PBLD: variants seen among roughly 807,000 people sequenced by gnomAD.
The protein encoded by PBLD is phenazine biosynthesis-like domain-containing protein.
Under a neutral mutation model 31.3 loss-of-function variants are expected in PBLD, and 26 were observed. The observed-to-expected ratio is 0.83, with a 90% CI of 0.61 to 1.15. The LOEUF (loss-of-function observed/expected upper bound fraction) is 1.15. Ranked by LOEUF, PBLD falls within the 50% of genes most tolerant of loss-of-function variation. PBLD has a pLI of 0.00. For synonymous variants in PBLD, 114 were observed against 129.0 expected (o/e 0.88, Z 0.79); for missense variants, 307 against 351.7 (o/e 0.87, Z 1.02).
At chr10:68,312,776 A>G (rs1372932821) in intron 1 of PBLD, among the ~76,000 whole-genome samples, 1 of 151,322 alleles carries the variant, frequency 6.6e-6, no homozygotes, top group African/African-American at 2.4e-5. Context: ...TGGCCTGGCT[A>G]ATTTTTTTGT....
At chr10:68,314,786 A>T (rs559905597) in intron 1 of PBLD, among the ~76,000 whole-genome samples, 15 of 151,424 alleles carry the variant, frequency 9.9e-5, no homozygotes, top group South Asian at 4.2e-4. Context: ...TTTTTAATTT[A>T]ATTTTATTTA....
chr10:68,301,490 G>A (rs2044505630), intron 2 of PBLD, among the ~76,000 whole-genome samples: 2 of 152,154 alleles, frequency 1.3e-5, no homozygotes, highest in South Asian at 4.2e-4. Context: ...GAAACTGGGA[G>A]GTATTTAAGC....
At chr10:68,294,863 G>A (rs2044404185) in intron 4 of PBLD, among the ~76,000 whole-genome samples, 1 of 152,172 alleles carries the variant, frequency 6.6e-6, no homozygotes, top group Non-Finnish European at 1.5e-5. Context: ...GAGTAGCTGG[G>A]ACTACCGGCG....
chr10:68,295,714 G>A (rs2044417323), intron 4 of PBLD, among the ~76,000 whole-genome samples: 1 of 152,088 alleles, frequency 6.6e-6, no homozygotes, highest in Non-Finnish European at 1.5e-5. Context: ...CACTTTGGGA[G>A]GCCGATGCAG....
intron 2 of PBLD, among the ~76,000 whole-genome samples, chr10:68,304,737 A>C (rs536254817): frequency 6.6e-6 from 1 of 152,350 alleles, no homozygotes; most frequent in South Asian, 2.1e-4. Flanking sequence ...AAAACTCTTC[A>C]AGGATATTAC....
At chr10:68,332,555 T>TA (rs1027318471) in intron 1 of PBLD, among the ~76,000 whole-genome samples, 18 of 152,186 alleles carry the variant, frequency 1.2e-4, no homozygotes, top group African/African-American at 4.1e-4. Flanking sequence ...CCCGCTCTTT[T>TA]TACTTTTTTG....
At chr10:68,328,233 CA>C (rs1292858617) in intron 1 of PBLD, among the ~76,000 whole-genome samples, 68 of 152,296 alleles carry the variant, frequency 4.5e-4, no homozygotes, top group African/African-American at 1.5e-3. Flanking sequence ...GATTTTGTTA[CA>C]TTTTTTAGAT....
chr10:68,320,264 T>A (rs780811121), intron 1 of PBLD, among the ~76,000 whole-genome samples: 15 of 152,188 alleles, frequency 9.9e-5, no homozygotes, highest in African/African-American at 3.6e-4. Flanking sequence ...CAAAAGTTGT[T>A]AGTAGAAACA....
intron 9 of PBLD, among the ~76,000 whole-genome samples, chr10:68,284,929 A>G (rs1217826383): frequency 6.6e-6 from 1 of 152,142 alleles, no homozygotes; most frequent in African/African-American, 2.4e-5. Context: ...GGCTGCCATC[A>G]TTTTTCTCTG....
intron 2 of PBLD, among the ~76,000 whole-genome samples, chr10:68,302,732 T>G (rs571301252): frequency 6.6e-6 from 1 of 151,992 alleles, no homozygotes; most frequent in South Asian, 2.1e-4. Flanking sequence ...TCTCAGCTAC[T>G]CTGGAGGTTG....
At chr10:68,290,211 T>C (rs2044341142) in intron 6 of PBLD, among the ~76,000 whole-genome samples, 1 of 152,120 alleles carries the variant, frequency 6.6e-6, no homozygotes, top group African/African-American at 2.4e-5. Context: ...GGCTTCAGGT[T>C]CTCTAATCCT....
Position 68,306,911 on chromosome 10 carries a change from GA to G in PBLD, c.-59-9del. 7.9e-7 allele frequency: 1 copy of G among 1,265,392 alleles called. No homozygotes were observed. The highest frequency in any genetic ancestry group is 1.9e-5 in the Admixed American group (1 of 53,146). The allele number at this position is 1,265,392 out of a possible 1,614,324, so 78.4% of individuals were successfully genotyped here. A position where few individuals can be genotyped will look rare whatever the true frequency, so the allele number is the denominator to read the frequency against. ...TAGCCTGCTTTACGTCTTCTTCTTGGAAAAGGAAATCAAAAAGTTAATGTTT... is the reference window on the plus strand; with the variant it reads ...TAGCCTGCTTTACGTCTTCTTCTTGGAAAGGAAATCAAAAAGTTAATGTTT... On this transcript the variant is annotated splice_polypyrimidine_tract_variant and intron_variant, in intron 1 of 9. Transcript: ENST00000358769.
chr10:68,327,997 T>C (rs1049158927), intron 1 of PBLD, among the ~76,000 whole-genome samples: 2 of 152,202 alleles, frequency 1.3e-5, no homozygotes, highest in Non-Finnish European at 2.9e-5. Flanking sequence ...GGTTGCCAGA[T>C]TCACAAAGAA....
chr10:68,285,554 G>T, intron 8 of PBLD, 144 bp from the exon 9 acceptor site: 1 of 1,152,258 alleles, frequency 8.7e-7, no homozygotes, highest in South Asian at 2.5e-5. Flanking sequence ...GCCACAGCAG[G>T]GTGTAGAATT....
intron 1 of PBLD, among the ~76,000 whole-genome samples, chr10:68,309,423 A>G (rs1233574211): frequency 2.0e-5 from 3 of 148,950 alleles, no homozygotes; most frequent in Non-Finnish European, 4.4e-5. Context: ...AAAAAAAAAA[A>G]AAAGAACCCA....
intron 1 of PBLD, among the ~76,000 whole-genome samples, chr10:68,320,150 A>G (rs1056348663): frequency 2.6e-5 from 4 of 152,166 alleles, no homozygotes; most frequent in Admixed American, 1.3e-4. Context: ...TCAAAGACAC[A>G]AATAGGTGAA....
chr10:68,322,202 GA>G (rs2044845206), intron 1 of PBLD, among the ~76,000 whole-genome samples: 1 of 151,926 alleles, frequency 6.6e-6, no homozygotes. Flanking sequence ...AAAAACATCA[GA>G]AAAAAACCCA....
rs1317529550 is a variant in PBLD, at chr10:68,316,467, G to A, written c.-59-9564C>T. Among the ~76,000 whole-genome samples, 18 of 152,048 alleles carry A rather than the reference G, an allele frequency of 1.2e-4. No individual in the cohort carries two copies. The East Asian group carries it at 3.3e-3, about 28-fold the overall frequency. ...TTTGAGAAACAGAAAAAGGAATGAA[G>A]AAAAATTATAAGAGCCTCAGAGATC... On this transcript the variant is annotated intron_variant, in intron 1 of 9. Transcript: ENST00000358769.
intron 1 of PBLD, among the ~76,000 whole-genome samples, chr10:68,309,876 C>T (rs955999402): frequency 6.7e-6 from 1 of 149,812 alleles, no homozygotes; most frequent in Admixed American, 6.8e-5. Context: ...CGGCTCACAC[C>T]TGTCATCCCA....
Sources: gnomAD v4.1 joint callset for allele counts (sites outside exome capture counted in the v4.1 genomes callset) on GRCh38, gnomAD v4.1.1 for gene constraint, MANE v1.5 for transcripts, NCBI Gene and HGNC (gene_info 2026-07-23, HGNC 2026-07-21) for gene names.